The following NAALADL2 variants were observed in gnomAD, a reference collection of about 807,000 sequenced individuals.
NAALADL2 encodes the protein inactive N-acetylated-alpha-linked acidic dipeptidase-like protein 2.
Under a neutral mutation model 87.2 loss-of-function variants are expected in NAALADL2, and 76 were observed. The ratio of observed to expected loss-of-function variants is 0.87; its 90% CI spans 0.72 to 1.05. The LOEUF is 1.05. Ranked by LOEUF, NAALADL2 falls within the 50% of genes least tolerant of loss-of-function variation. NAALADL2 has a pLI of 0.00. For missense variants in NAALADL2, 1,089 were observed against 945.8 expected (o/e 1.15, Z -1.99); for synonymous variants, 354 against 331.0 (o/e 1.07, Z -0.75).
chr3:175,164,488 A>G (rs1210144224), intron 2 of NAALADL2, among the ~76,000 whole-genome samples: 2 of 152,140 alleles, frequency 1.3e-5, no homozygotes, highest in Non-Finnish European at 2.9e-5. Context: ...TTTAAAAGGT[A>G]AAAGTATCGA....
chr3:175,012,651 T>C (rs1017146763), intron 1 of NAALADL2, among the ~76,000 whole-genome samples: 1 of 152,124 alleles, frequency 6.6e-6, no homozygotes, highest in African/African-American at 2.4e-5. Flanking sequence ...CACCTGTTTT[T>C]GTAAGTAAAG....
At chr3:175,256,231 C>T (rs1212591437) in intron 3 of NAALADL2, among the ~76,000 whole-genome samples, 180 bp from the exon 4 acceptor site, 1 of 152,080 alleles carries the variant, frequency 6.6e-6, no homozygotes, top group Non-Finnish European at 1.5e-5. Flanking sequence ...AGAAGAATTG[C>T]TGTACCTTGA....
intron 1 of NAALADL2, among the ~76,000 whole-genome samples, chr3:175,062,923 A>G (rs569426462): frequency 6.6e-6 from 1 of 152,322 alleles, no homozygotes; most frequent in Admixed American, 6.5e-5. Flanking sequence ...TATTTCACTT[A>G]TAAATATATC....
intron 1 of NAALADL2, among the ~76,000 whole-genome samples, chr3:174,998,235 A>T (rs1057110322): frequency 1.3e-5 from 2 of 152,218 alleles, no homozygotes; most frequent in African/African-American, 4.8e-5. Flanking sequence ...ACCCTATTAT[A>T]ATCTCATTTT....
At chr3:175,361,861 C>T (rs1186672884) in intron 5 of NAALADL2, among the ~76,000 whole-genome samples, 1 of 148,028 alleles carries the variant, frequency 6.8e-6, no homozygotes, top group Non-Finnish European at 1.5e-5. Flanking sequence ...TGCAGAAACT[C>T]TTCAGTTTAA....
At chr3:175,757,614 T>C (rs1747439334) in intron 13 of NAALADL2, among the ~76,000 whole-genome samples, 1 of 152,122 alleles carries the variant, frequency 6.6e-6, no homozygotes, top group Non-Finnish European at 1.5e-5. Flanking sequence ...TTATAAGTCT[T>C]TGGAAAATAT....
chr3:175,043,539 G>A (rs982979438), intron 1 of NAALADL2, among the ~76,000 whole-genome samples: 2 of 152,074 alleles, frequency 1.3e-5, no homozygotes, highest in African/African-American at 4.8e-5. Flanking sequence ...ACCTGGCCTG[G>A]TTTAGGTCTT....
At chr3:175,184,090 A>G (rs908993012) in intron 2 of NAALADL2, among the ~76,000 whole-genome samples, 2 of 152,014 alleles carry the variant, frequency 1.3e-5, no homozygotes, top group Non-Finnish European at 2.9e-5. Context: ...TTCCTGTACT[A>G]TGATTGATGA....
chr3:175,534,841 T>G (rs987696578), intron 9 of NAALADL2, among the ~76,000 whole-genome samples: 1 of 152,220 alleles, frequency 6.6e-6, no homozygotes, highest in East Asian at 1.9e-4. Flanking sequence ...CAAACTGGTT[T>G]ATCTCAAAGT....
rs1275174412 is a variant in NAALADL2, at chr3:175,806,015, G to A, written c.*2812G>A. The stretch of plus-strand genomic sequence containing the variant: ...GTCATGTATTTAGTTAGTAACAAAA[G>A]CACCACTGGAATTTAAGCTTCTCTG... On this transcript the variant is annotated 3_prime_UTR_variant, in exon 14 of 14. Coordinates refer to ENST00000454872, the MANE Select transcript of NAALADL2 (RefSeq NM_207015.3). The A allele has an allele frequency of 1.3e-5, 2 of 151,874 alleles. No homozygotes were observed. Among genetic ancestry groups the A allele is most frequent in the Non-Finnish European group, 2.9e-5 (2 of 67,876 alleles). 9.4% of individuals were successfully genotyped at this position (151,874 alleles called of 1,614,324 possible).
At chr3:175,320,050 C>G (rs1219448540) in intron 4 of NAALADL2, among the ~76,000 whole-genome samples, 1 of 152,146 alleles carries the variant, frequency 6.6e-6, no homozygotes, top group Non-Finnish European at 1.5e-5. Context: ...ACTAAAGTCA[C>G]ACAACGAGCA....
intron 3 of NAALADL2, among the ~76,000 whole-genome samples, chr3:174,781,095 T>C (rs1037912859): frequency 1.6e-4 from 25 of 152,218 alleles, no homozygotes; most frequent in African/African-American, 5.1e-4. Context: ...TTAAGAATGT[T>C]GAATATTGGC....
intron 2 of NAALADL2, among the ~76,000 whole-genome samples, chr3:174,625,413 A>T (rs9290511): frequency 0.039 from 5,915 of 151,994 alleles, 429 homozygotes; most frequent in African/African-American, 0.14. Flanking sequence ...ATTACTTTTT[A>T]CTTTCTATGT....
intron 5 of NAALADL2, among the ~76,000 whole-genome samples, chr3:175,357,318 A>G (rs989818688): frequency 2.6e-5 from 4 of 152,136 alleles, no homozygotes; most frequent in African/African-American, 4.8e-5. Context: ...AGTTGGTTAC[A>G]TGTATCACAA....
At chr3:174,701,698 G>T (rs1729568502) in intron 2 of NAALADL2, among the ~76,000 whole-genome samples, 1 of 152,010 alleles carries the variant, frequency 6.6e-6, no homozygotes, top group Non-Finnish European at 1.5e-5. Context: ...TATATGAATG[G>T]AATCACTCAG....
chr3:175,084,992 G>T (rs1204127513), intron 1 of NAALADL2, among the ~76,000 whole-genome samples: 1 of 152,108 alleles, frequency 6.6e-6, no homozygotes, highest in African/African-American at 2.4e-5. Context: ...CTCCAAGGGC[G>T]CTATACACTG....
intron 2 of NAALADL2, among the ~76,000 whole-genome samples, chr3:175,112,357 G>C (rs1342413827): frequency 6.6e-6 from 1 of 151,468 alleles, no homozygotes; most frequent in Non-Finnish European, 1.5e-5. Flanking sequence ...GTATTTTCCT[G>C]AGTAAAGTTC....
At chr3:174,870,614 A>G (rs1727716132) in intron 1 of NAALADL2, among the ~76,000 whole-genome samples, 3 of 152,072 alleles carry the variant, frequency 2.0e-5, no homozygotes, top group African/African-American at 7.2e-5. Context: ...ACAATTAGCC[A>G]TTTAGTAAAT....
chr3:174,883,241 C>T (rs574833113), intron 1 of NAALADL2, among the ~76,000 whole-genome samples: 9 of 152,224 alleles, frequency 5.9e-5, no homozygotes, highest in African/African-American at 2.2e-4. Context: ...TCTCCTTTGG[C>T]TACACCCTCA....
Sources: gnomAD v4.1 joint callset for allele counts (sites outside exome capture counted in the v4.1 genomes callset) on GRCh38, gnomAD v4.1.1 for gene constraint, MANE v1.5 for transcripts, NCBI Gene and HGNC (gene_info 2026-07-23, HGNC 2026-07-21) for gene names.